The following NYAP2 variants were observed in gnomAD, a reference collection of about 807,000 sequenced individuals.
NYAP2 encodes neuronal tyrosine-phosphorylated phosphoinositide-3-kinase adaptor 2, also known as neuronal tyrosine-phosphorylated phosphoinositide-3-kinase adapter 2.
A neutral mutation model predicts 50.4 loss-of-function variants in NYAP2; 23 were observed. The ratio of observed to expected loss-of-function variants is 0.46; its 90% CI spans 0.33 to 0.65. The LOEUF (loss-of-function observed/expected upper bound fraction) is 0.65, where lower values mean the gene tolerates loss of function less well. Among genes scored for constraint, NYAP2 ranks in the 30% least tolerant of loss-of-function variants. The pLI is 0.02. For missense variants in NYAP2, 885 were observed against 861.0 expected (o/e 1.03, Z -0.35); for synonymous variants, 394 against 365.2 (o/e 1.08, Z -0.90).
At chr2:225,637,524 C>T (rs113675050) in intron 6 of NYAP2, among the ~76,000 whole-genome samples, 3,304 of 152,218 alleles carry the variant, frequency 0.022, 123 homozygotes, top group African/African-American at 0.074. Flanking sequence ...GTGGCTTCCC[C>T]GGGGAACATT....
At chr2:225,661,479 C>G in the NYAP2 span, among the ~76,000 whole-genome samples, 1 of 152,110 alleles carries the variant, frequency 6.6e-6, no homozygotes, top group East Asian at 1.9e-4. Context: ...TATGTGTTTG[C>G]CAGAGTGCTC....
the NYAP2 span, among the ~76,000 whole-genome samples, chr2:225,670,055 C>G: frequency 1.3e-5 from 2 of 152,158 alleles, no homozygotes; most frequent in Admixed American, 1.3e-4. Flanking sequence ...CTTTCTGCTC[C>G]AAACAGAAGT....
intron 6 of NYAP2, among the ~76,000 whole-genome samples, chr2:225,650,673 T>C (rs543175234): frequency 2.2e-4 from 33 of 152,354 alleles, no homozygotes; most frequent in African/African-American, 6.7e-4. Flanking sequence ...TGATAAAGTA[T>C]AAATGTCCAT....
chr2:225,429,310 T>A (rs558260094), intron 3 of NYAP2, among the ~76,000 whole-genome samples: 1 of 152,298 alleles, frequency 6.6e-6, no homozygotes, highest in African/African-American at 2.4e-5. Flanking sequence ...TAAGCTTGCA[T>A]GTTGCATAGT....
chr2:225,679,227 A>G, the NYAP2 span, among the ~76,000 whole-genome samples: 9 of 152,098 alleles, frequency 5.9e-5, no homozygotes, highest in Non-Finnish European at 1.3e-4. Flanking sequence ...GGTAGAAAAG[A>G]AAATATTAAT....
chr2:225,645,088 T>A (rs1693606042), intron 6 of NYAP2, among the ~76,000 whole-genome samples: 1 of 152,092 alleles, frequency 6.6e-6, no homozygotes, highest in South Asian at 2.1e-4. Context: ...GGTGAAACCC[T>A]GTCTCTGCTA....
intron 5 of NYAP2, among the ~76,000 whole-genome samples, chr2:225,625,994 A>G (rs1208296176): frequency 6.6e-6 from 1 of 152,264 alleles, no homozygotes; most frequent in Non-Finnish European, 1.5e-5. Context: ...CAAGACATCC[A>G]GAAATAAAAT....
intron 3 of NYAP2, among the ~76,000 whole-genome samples, chr2:225,423,643 T>C (rs1695246816): frequency 6.6e-6 from 1 of 152,210 alleles, no homozygotes; most frequent in Admixed American, 6.5e-5. Context: ...GTTTATTTTT[T>C]AATGATGTGC....
chr2:225,657,485 C>T (rs1559243239), downstream of NYAP2, among the ~76,000 whole-genome samples: 1 of 151,528 alleles, frequency 6.6e-6, no homozygotes, highest in Non-Finnish European at 1.5e-5. Context: ...AAGCTCCATC[C>T]TCATTTAATT....
the NYAP2 span, among the ~76,000 whole-genome samples, chr2:225,679,289 C>T: frequency 6.6e-6 from 1 of 152,048 alleles, no homozygotes; most frequent in African/African-American, 2.4e-5. Context: ...AAACTAACCA[C>T]TGAGATGTTT....
chr2:225,638,133 G>A (rs1381495557), intron 6 of NYAP2, among the ~76,000 whole-genome samples: 1 of 150,506 alleles, frequency 6.6e-6, no homozygotes, highest in African/African-American at 2.4e-5. Context: ...ATATTAGAGA[G>A]AATTTTAAAC....
intron 5 of NYAP2, among the ~76,000 whole-genome samples, chr2:225,623,174 A>G (rs1397370995): frequency 6.6e-6 from 1 of 152,250 alleles, no homozygotes; most frequent in African/African-American, 2.4e-5. Flanking sequence ...ATGAAGATCA[A>G]ACAAAAGAGA....
intron 4 of NYAP2, among the ~76,000 whole-genome samples, chr2:225,559,108 G>C (rs1691825211): frequency 6.6e-6 from 1 of 152,004 alleles, no homozygotes; most frequent in Non-Finnish European, 1.5e-5. Flanking sequence ...ATCCCCTTCT[G>C]TCCTTTTGAT....
At chr2:225,449,916 C>T (rs575875312) in intron 3 of NYAP2, among the ~76,000 whole-genome samples, 6 of 152,092 alleles carry the variant, frequency 3.9e-5, no homozygotes, top group East Asian at 3.9e-4. Flanking sequence ...CACACCCGGC[C>T]GATAAGCCAT....
intron 4 of NYAP2, among the ~76,000 whole-genome samples, chr2:225,554,244 G>A (rs1415141468): frequency 1.4e-5 from 2 of 142,674 alleles, no homozygotes; most frequent in Admixed American, 6.9e-5. Flanking sequence ...TATGGCCTTA[G>A]TATAAACTAT....
chr2:225,468,337 G>T (rs1399410286), intron 3 of NYAP2, among the ~76,000 whole-genome samples: 3 of 152,182 alleles, frequency 2.0e-5, no homozygotes, highest in African/African-American at 7.2e-5. Context: ...GGAATGCCAA[G>T]AATTGGACTT....
rs182112124 is a variant in NYAP2, at chr2:225,434,026, C to T, written c.221+24925C>T. 4.5e-3 allele frequency among the ~76,000 whole-genome samples: 683 copies of T among 152,280 alleles called. 3 individuals carry two copies. The highest frequency in any genetic ancestry group is 7.6e-3 in the Non-Finnish European group (516 of 68,012). ...TTAATAAAAAGATCTATCATCACAA[C>T]TGCCCATGAGTTTCTTCTATTCAGT... On this transcript the variant is annotated intron_variant, in intron 3 of 6. Coordinates refer to ENST00000636099, the Ensembl canonical transcript of NYAP2.
Position 225,412,609 on chromosome 2 carries a change from A to G in NYAP2, c.221+3508A>G, listed in dbSNP as rs191211903. On this transcript the variant is annotated intron_variant, in intron 3 of 6. Coordinates refer to ENST00000636099, the Ensembl canonical transcript of NYAP2. The stretch of plus-strand genomic sequence containing the variant: ...AAATCAGGAGCCAAATTATGGAGGT[A>G]AAATTTGTGAAAAACCATCAGAGCA... 1.8e-3 allele frequency among the ~76,000 whole-genome samples: 274 copies of G among 152,210 alleles called. 1 individual carries two copies. Among genetic ancestry groups the G allele is most frequent in the Middle Eastern group, 3.4e-3 (1 of 294 alleles).
At chr2:225,697,419 A>T in the NYAP2 span, among the ~76,000 whole-genome samples, 2 of 152,002 alleles carry the variant, frequency 1.3e-5, no homozygotes, top group Non-Finnish European at 2.9e-5. Flanking sequence ...TATAGCAAAA[A>T]CTTCTTAGCA....
Sources: allele counts gnomAD v4.1 joint callset (sites outside exome capture counted in the v4.1 genomes callset), GRCh38; gene constraint gnomAD v4.1.1; transcripts MANE v1.5; gene names NCBI Gene and HGNC (gene_info 2026-07-23, HGNC 2026-07-21).